SHANK2: variants seen among roughly 807,000 people sequenced by gnomAD.
SHANK2 encodes SH3 and multiple ankyrin repeat domains 2, also known as SH3 and multiple ankyrin repeat domains protein 2.
Under a neutral mutation model 133.7 loss-of-function variants are expected in SHANK2, and 43 were observed. The observed-to-expected ratio is 0.32, with a 90% CI of 0.25 to 0.41. The LOEUF (loss-of-function observed/expected upper bound fraction) is 0.41. SHANK2 is among the 10% of genes least tolerant of loss of function. SHANK2 has a pLI of 1.00. For missense variants in SHANK2, 1,994 were observed against 2,235.8 expected (o/e 0.89, Z 2.18); for synonymous variants, 1,017 against 952.8 (o/e 1.07, Z -1.24).
chr11:71,147,092 G>A (rs1555106830), intron 3 of SHANK2, 28 bp downstream of exon 3: 1 of 1,527,536 alleles, frequency 6.5e-7, no homozygotes, highest in Non-Finnish European at 8.8e-7. Context: ...GTCCAGATGT[G>A]AACCAAAGGG....
At chr11:70,757,835 A>G (rs555391664) in intron 14 of SHANK2, among the ~76,000 whole-genome samples, 3 of 152,304 alleles carry the variant, frequency 2.0e-5, no homozygotes, top group African/African-American at 4.8e-5. Flanking sequence ...ATAGGCCTGC[A>G]TGAATGTCCC....
intron 14 of SHANK2, among the ~76,000 whole-genome samples, chr11:70,794,237 T>C (rs1326349208): frequency 6.8e-6 from 1 of 146,322 alleles, no homozygotes; most frequent in Non-Finnish European, 1.5e-5. Flanking sequence ...GCTGAGATGG[T>C]GCCACTGCAC....
intron 11 of SHANK2, among the ~76,000 whole-genome samples, chr11:70,856,692 T>C (rs371731103): frequency 3.8e-4 from 58 of 152,360 alleles, no homozygotes; most frequent in Non-Finnish European, 7.1e-4. Context: ...GTTTGATACA[T>C]TATTTCATTA....
intron 10 of SHANK2, among the ~76,000 whole-genome samples, chr11:70,935,659 C>T (rs1450803584): frequency 6.6e-6 from 1 of 152,124 alleles, no homozygotes; most frequent in African/African-American, 2.4e-5. Flanking sequence ...TCAGCAAACA[C>T]ATCTACCATG....
At chr11:70,689,742 C>A (rs949348465) in intron 15 of SHANK2, among the ~76,000 whole-genome samples, 2 of 152,138 alleles carry the variant, frequency 1.3e-5, no homozygotes, top group Non-Finnish European at 2.9e-5. Context: ...ACAAAACAGT[C>A]CTGAATGAGT....
intron 6 of SHANK2, among the ~76,000 whole-genome samples, chr11:71,107,231 G>A (rs1329226995): frequency 6.6e-6 from 1 of 152,170 alleles, no homozygotes; most frequent in Admixed American, 6.5e-5. Flanking sequence ...GCAGGGAAGT[G>A]TCCCGTAAGG....
Position 70,684,428 on chromosome 11 carries a change from A to G in SHANK2, c.1853+14260T>C, listed in dbSNP as rs1945100424. Reference sequence around the variant, plus strand: ...AGATTAGCCAGGTGTGGTGGTGCACACCTGTACTGTGGCCCCAGCTACTTG... The same window carrying G: ...AGATTAGCCAGGTGTGGTGGTGCACGCCTGTACTGTGGCCCCAGCTACTTG... On this transcript the variant is annotated intron_variant, in intron 15 of 25. Coordinates refer to ENST00000601538, the MANE Select transcript of SHANK2 (RefSeq NM_012309.5). Among the ~76,000 whole-genome samples, 3 of 152,034 alleles carry G rather than the reference A, an allele frequency of 2.0e-5. No individual in the cohort carries two copies. In the South Asian group the frequency reaches 6.2e-4, roughly 32 times the overall value.
At chr11:71,240,485 G>A (rs528791232) in intron 1 of SHANK2, among the ~76,000 whole-genome samples, 58 of 152,270 alleles carry the variant, frequency 3.8e-4, no homozygotes, top group South Asian at 2.7e-3. Context: ...AGAAGGTGGC[G>A]GTGGAGGCGG....
At chr11:70,863,728 T>G (rs797037435) in intron 11 of SHANK2, 1 of 437,502 alleles carries the variant, frequency 2.3e-6, no homozygotes, top group African/African-American at 2.0e-5. Context: ...GGAGATGAGA[T>G]CTTTACAGCT....
intron 5 of SHANK2, among the ~76,000 whole-genome samples, chr11:71,112,166 G>T (rs2135231084): frequency 6.6e-6 from 1 of 152,320 alleles, no homozygotes; most frequent in East Asian, 1.9e-4. Flanking sequence ...GGCCGAGGCG[G>T]ATGGATCACC....
rs1555118715 is a variant in SHANK2, at chr11:71,210,250, A to ATT, written c.-13+14446_-13+14447insAA. 1.5e-3 allele frequency among the ~76,000 whole-genome samples: 132 copies of ATT among 85,416 alleles called. 1 individual carries two copies. The highest frequency in any genetic ancestry group is 4.6e-3 in the East Asian group (12 of 2,630). The allele number at this position is 85,416 out of a possible 152,430, so 56.0% of individuals were successfully genotyped here. A position where few individuals can be genotyped will look rare whatever the true frequency, so the allele number is the denominator to read the frequency against. ...TATATATATATATATATATATATATATATTTATTTATTTTTTGAAACAGAG... is the reference window on the plus strand; with the variant it reads ...TATATATATATATATATATATATATATTTATTTATTTATTTTTTGAAACAGAG... On this transcript the variant is annotated intron_variant, in intron 2 of 25. Coordinates refer to ENST00000601538, the MANE Select transcript of SHANK2 (RefSeq NM_012309.5).
At chr11:71,118,561 G>T (rs1185440356) in intron 4 of SHANK2, among the ~76,000 whole-genome samples, 1 of 149,706 alleles carries the variant, frequency 6.7e-6, no homozygotes, top group East Asian at 1.9e-4. Flanking sequence ...ATGGGAAACC[G>T]CTATGATCCA....
chr11:70,805,499 G>A (rs1948138765), intron 13 of SHANK2, among the ~76,000 whole-genome samples: 1 of 152,174 alleles, frequency 6.6e-6, no homozygotes, highest in Non-Finnish European at 1.5e-5. Flanking sequence ...CCCCCACTGC[G>A]GGGCCTTAAC....
At chr11:71,089,886 G>T (rs1451960039) in intron 8 of SHANK2, among the ~76,000 whole-genome samples, 1 of 152,188 alleles carries the variant, frequency 6.6e-6, no homozygotes, top group Non-Finnish European at 1.5e-5. Flanking sequence ...GACAAAGGGG[G>T]AAGAGGTCAA....
rs1399669847 is a variant in SHANK2, at chr11:70,500,903, G to A, written c.2288-313C>T. 7.3e-5 allele frequency: 46 copies of A among 627,444 alleles called. No individual in the cohort carries two copies. In the African/African-American group the frequency reaches 7.7e-4, roughly 10 times the overall value. 38.9% of individuals were successfully genotyped at this position (627,444 alleles called of 1,614,324 possible). ...CAGCACCCTGCCAAAGTAGGGAGGA[G>A]TTCTCAGAGCAGACATGAGCAGAGG... On this transcript the variant is annotated intron_variant, in intron 20 of 25. Coordinates refer to ENST00000601538, the MANE Select transcript of SHANK2 (RefSeq NM_012309.5). The surrounding 1 kb of genome is among the most constrained non-coding windows in gnomAD (Gnocchi z 4.5).
chr11:71,128,159 C>T (rs575717432), intron 3 of SHANK2, among the ~76,000 whole-genome samples: 2 of 152,336 alleles, frequency 1.3e-5, no homozygotes, highest in African/African-American at 4.8e-5. Flanking sequence ...TGAGTCTCGG[C>T]CTCTTCACCT....
rs1261176618 is a variant in SHANK2 at position 70,496,475 on chromosome 11, A to G, written c.2309-4010T>C. ...TAGGACCTCAGGGCCTGCGGCAGGC[A>G]TCTTGTTAAATACACCTCATGTAAC... On this transcript the variant is annotated intron_variant, in intron 21 of 25. Transcript: ENST00000601538. Among the ~76,000 whole-genome samples, 5 of 152,192 alleles carry G rather than the reference A, an allele frequency of 3.3e-5. No homozygotes were observed. In the East Asian group the frequency reaches 9.6e-4, roughly 29 times the overall value.
intron 9 of SHANK2, among the ~76,000 whole-genome samples, chr11:71,071,763 G>T (rs1951145797): frequency 6.6e-6 from 1 of 152,184 alleles, no homozygotes; most frequent in African/African-American, 2.4e-5. Context: ...GCCATGGAAG[G>T]GCTGGGGAAT....
intron 9 of SHANK2, among the ~76,000 whole-genome samples, chr11:71,062,626 G>C (rs1020599956): frequency 3.3e-5 from 5 of 152,174 alleles, no homozygotes; most frequent in Non-Finnish European, 5.9e-5. Flanking sequence ...CAGAATATGA[G>C]AGCCCTGCTC....
Sources: gnomAD v4.1 joint callset for allele counts (sites outside exome capture counted in the v4.1 genomes callset) on GRCh38, gnomAD v4.1.1 for gene constraint, Gnocchi (gnomAD v3.1) non-coding constraint, MANE v1.5 for transcripts, NCBI Gene and HGNC (gene_info 2026-07-23, HGNC 2026-07-21) for gene names.